The following XIRP2 variants were observed in gnomAD, a reference collection of about 807,000 sequenced individuals.
XIRP2 encodes xin actin binding repeat containing 2.
XIRP2 carries 236 observed loss-of-function variants against 277.0 expected under a neutral mutation model. The ratio of observed to expected loss-of-function variants is 0.85; its 90% CI spans 0.77 to 0.95. XIRP2 has a LOEUF of 0.95. Ranked by LOEUF, XIRP2 falls within the 40% of genes least tolerant of loss-of-function variation. The pLI is 0.00. For missense variants in XIRP2, 4,640 were observed against 4,157.5 expected (o/e 1.12, Z -3.19); for synonymous variants, 1,490 against 1,416.5 (o/e 1.05, Z -1.17).
chr2:166,897,692 G>T (rs998148318), intron 1 of XIRP2, among the ~76,000 whole-genome samples: 3 of 152,162 alleles, frequency 2.0e-5, no homozygotes, highest in East Asian at 3.9e-4. Context: ...CATGGAGAAG[G>T]TGTGGTTCAG....
chr2:167,056,951 A>G (rs573849337), intron 2 of XIRP2, among the ~76,000 whole-genome samples: 1 of 152,268 alleles, frequency 6.6e-6, no homozygotes, highest in Admixed American at 6.5e-5. Flanking sequence ...AATTGATGAC[A>G]TTGAAAACTT....
intron 9 of XIRP2, among the ~76,000 whole-genome samples, chr2:167,253,721 C>T (rs1460269463): frequency 2.0e-5 from 3 of 151,514 alleles, no homozygotes; most frequent in Non-Finnish European, 2.9e-5. Context: ...CATATATGCA[C>T]ATATATATGT....
In XIRP2 at chr2:167,047,358, A is replaced by G. The variant is rs562218416; in HGVS notation, c.409-88551A>G. Among the ~76,000 whole-genome samples, 82 of 152,006 alleles carry G rather than the reference A, an allele frequency of 5.4e-4. 1 individual carries two copies. Among genetic ancestry groups the G allele is most frequent in the African/African-American group, 2.0e-3 (81 of 41,532 alleles). ...ATCTGTAAAGCATCTGTTAGGCATA[A>G]GTAGCTTCACCGAGATAACATTACA... On this transcript the variant is annotated intron_variant, in intron 2 of 10. Coordinates refer to ENST00000409195, the MANE Select transcript of XIRP2 (RefSeq NM_152381.6).
rs371344429 is a variant in XIRP2, at chr2:167,187,696, A to G, written c.563-23039A>G. ...TGATAATATTTAGCATTGATTTAAT[A>G]GGATAAAATTTAGAGCTTCATATGT... On this transcript the variant is annotated intron_variant, in intron 3 of 10. Coordinates refer to ENST00000409195, the MANE Select transcript of XIRP2 (RefSeq NM_152381.6). Among the ~76,000 whole-genome samples the G allele has an allele frequency of 3.3e-5, 5 of 152,314 alleles. No individual in the cohort carries two copies. In the South Asian group the frequency reaches 1.0e-3, roughly 32 times the overall value.
chr2:167,221,723 G>A (rs1248579979), intron 5 of XIRP2, among the ~76,000 whole-genome samples: 2 of 152,102 alleles, frequency 1.3e-5, no homozygotes, highest in East Asian at 3.9e-4. Context: ...TACCTAAGAT[G>A]TTGTCAATTC....
chr2:167,240,719 A>G lies in XIRP2; in HGVS notation c.1025A>G (p.Gln342Arg), dbSNP rs775010771. ...GTAAACCAAGCATCTCAGTTTCATC[A>G]ATATGTTCAAGAAACTGGTAAGAGT... is the stretch of plus-strand genomic sequence containing the variant. ...EEVNQASQFH[Q>R]YVQETVIDTP... The change falls in exon 7 of 11, where the codon CAA becomes CGA. Residue 342 changes from glutamine (Q) to arginine (R), a missense_variant. Gln to Arg is a conservative substitution (Grantham distance 43, BLOSUM62 1). Transcript: ENST00000409195. 62 of 1,613,744 alleles carry G rather than the reference A, an allele frequency of 3.8e-5. No individual in the cohort carries two copies. The highest frequency in any genetic ancestry group is 4.9e-5 in the Non-Finnish European group (58 of 1,179,816).
intron 2 of XIRP2, among the ~76,000 whole-genome samples, chr2:166,908,701 C>G (rs1227537674): frequency 2.0e-5 from 3 of 152,154 alleles, no homozygotes; most frequent in Non-Finnish European, 2.9e-5. Context: ...ATGCCTATGT[C>G]CTGAATGGTA....
intron 6 of XIRP2, among the ~76,000 whole-genome samples, chr2:167,240,375 A>G (rs1226790855): frequency 6.6e-6 from 1 of 152,120 alleles, no homozygotes; most frequent in Non-Finnish European, 1.5e-5. Flanking sequence ...AGTTCGCGCC[A>G]TTGCACTCCA....
intron 2 of XIRP2, among the ~76,000 whole-genome samples, chr2:167,055,607 GT>G (rs1689019733): frequency 6.6e-6 from 1 of 152,164 alleles, no homozygotes; most frequent in African/African-American, 2.4e-5. Flanking sequence ...ACATGAAATA[GT>G]GGTGTATTCT....
At chr2:167,156,792 A>G (rs1221575980) in intron 3 of XIRP2, among the ~76,000 whole-genome samples, 1 of 152,192 alleles carries the variant, frequency 6.6e-6, no homozygotes, top group Non-Finnish European at 1.5e-5. Context: ...AGGCTTGAAG[A>G]GTATGAGAAG....
In XIRP2 at chr2:167,009,885, T is replaced by G. The variant is rs373544393; in HGVS notation, c.408+105995T>G. On this transcript the variant is annotated intron_variant, in intron 2 of 10. Coordinates refer to ENST00000409195, the MANE Select transcript of XIRP2 (RefSeq NM_152381.6). ...CTTCTTTTGAGAAGTGTCTGTTCAT[T>G]TCCTTCACCCACTTTTTGATGGGGT... Among the ~76,000 whole-genome samples, 986 of 151,992 alleles carry G rather than the reference T, an allele frequency of 6.5e-3. 7 individuals are homozygous for G. The highest frequency in any genetic ancestry group is 0.01 in the Non-Finnish European group (703 of 67,900).
chr2:166,910,263 G>A (rs1324258483), intron 2 of XIRP2, among the ~76,000 whole-genome samples: 1 of 152,084 alleles, frequency 6.6e-6, no homozygotes. Flanking sequence ...TGGTTGGTAG[G>A]CTATAAATTA....
chr2:166,909,316 T>C (rs937220874), intron 2 of XIRP2, among the ~76,000 whole-genome samples: 1 of 152,230 alleles, frequency 6.6e-6, no homozygotes, highest in African/African-American at 2.4e-5. Flanking sequence ...TAGTTCTCCT[T>C]GAAGAGGTCC....
At chr2:167,048,178 CTT>C (rs1688834801) in intron 2 of XIRP2, among the ~76,000 whole-genome samples, 1 of 151,974 alleles carries the variant, frequency 6.6e-6, no homozygotes. Flanking sequence ...CAATATATCT[CTT>C]ATGCATATTC....
rs115922984 is a variant in XIRP2 at position 167,249,248 on chromosome 2, G to A, written c.7856G>A (p.Arg2619Gln). 7,125 of 1,613,688 alleles carry A rather than the reference G, an allele frequency of 4.4e-3. 20 individuals are homozygous for A. Among genetic ancestry groups the A allele is most frequent in the Non-Finnish European group, 5.5e-3 (6,511 of 1,179,746 alleles). Residue 2619 changes from arginine to glutamine, a missense_variant, in exon 9 of 11, where the codon CGG becomes CAG. Coordinates refer to ENST00000409195, the MANE Select transcript of XIRP2 (RefSeq NM_152381.6). ...QPSPGSQSNA[R>Q]ILGVCSDNQL... ...AGCCCAGGCTCTCAAAGTAATGCTC[G>A]GATACTAGGAGTGTGTTCTGATAAC...
In XIRP2 at chr2:167,245,726, A is replaced by G. The variant is rs1373622654; in HGVS notation, c.4334A>G (p.Gln1445Arg). The G allele has an allele frequency of 6.2e-7, 1 of 1,613,718 alleles. No homozygotes were observed. The highest frequency in any genetic ancestry group is 2.2e-5 in the East Asian group (1 of 44,820). Residue 1445 changes from glutamine to arginine, a missense_variant, in exon 9 of 11, where the codon CAA becomes CGA. By Grantham distance (43) the Gln-to-Arg change is conservative. Transcript: ENST00000409195. ...YIRTVSVNEI[Q>R]KGNVKTSTWL... ...CGAACAGTAAGTGTCAATGAAATAC[A>G]AAAGGGCAATGTTAAAACATCTACT...
chr2:167,124,334 A>G (rs963826218), intron 2 of XIRP2: 13 of 152,168 alleles, frequency 8.5e-5, no homozygotes, highest in African/African-American at 3.1e-4. Context: ...AGTTCATTAT[A>G]CATAGAGATA....
chr2:166,996,566 T>A (rs923625030), intron 2 of XIRP2, among the ~76,000 whole-genome samples: 9 of 152,032 alleles, frequency 5.9e-5, no homozygotes, highest in Admixed American at 1.3e-4. Flanking sequence ...GGCAGAGGTT[T>A]CAGTGAGCCG....
rs191270083 is a variant in XIRP2, at chr2:166,918,937, A to G, written c.408+15047A>G. Among the ~76,000 whole-genome samples the G allele has an allele frequency of 3.5e-3, 537 of 152,192 alleles. 1 individual carries two copies. The highest frequency in any genetic ancestry group is 6.0e-3 in the Non-Finnish European group (409 of 68,016). On this transcript the variant is annotated intron_variant, in intron 2 of 10. Transcript: ENST00000409195. ...GTTGCCCCTTTTTATTCCTCTGACT[A>G]AGTCCTTTCTCTGAACTTAGAAGTA...
Sources: allele counts gnomAD v4.1 joint callset (sites outside exome capture counted in the v4.1 genomes callset), GRCh38; gene constraint gnomAD v4.1.1; transcripts MANE v1.5; gene names NCBI Gene and HGNC (gene_info 2026-07-23, HGNC 2026-07-21).